COP1: variants seen among roughly 807,000 people sequenced by gnomAD.
The protein encoded by COP1 is E3 ubiquitin-protein ligase COP1.
Under a neutral mutation model 101.3 loss-of-function variants are expected in COP1, and 24 were observed. That is an observed-to-expected ratio of 0.24 (90% CI 0.17 to 0.33). The LOEUF is 0.33. COP1 is among the 10% of genes least tolerant of loss of function. The pLI is 1.00. For missense variants in COP1, 663 were observed against 906.2 expected, an observed-to-expected ratio of 0.73 and a Z score of 3.45; for synonymous variants, 347 against 341.9, an observed-to-expected ratio of 1.01 and a Z score of -0.17.
chr1:176,031,377 C>T (rs986937875), intron 14 of COP1, among the ~76,000 whole-genome samples: 4 of 152,124 alleles, frequency 2.6e-5, no homozygotes, highest in Non-Finnish European at 5.9e-5. Flanking sequence ...AGGCGATCCT[C>T]AAAATAAGGA....
intron 2 of COP1, among the ~76,000 whole-genome samples, chr1:176,176,932 G>A (rs1697029983): frequency 6.6e-6 from 1 of 152,172 alleles, no homozygotes. Flanking sequence ...AAGGCAAGTT[G>A]CAGGAAAAAC....
chr1:175,992,681 G>A (rs914339205), intron 15 of COP1, among the ~76,000 whole-genome samples: 2 of 152,242 alleles, frequency 1.3e-5, no homozygotes, highest in African/African-American at 2.4e-5. Context: ...CAAGGCGGCA[G>A]CGAGGCTGGG....
At chr1:175,988,661 C>T (rs570103734) in intron 16 of COP1, 26 of 326,444 alleles carry the variant, frequency 8.0e-5, no homozygotes, top group African/African-American at 5.0e-4. Context: ...AGCAAAACAC[C>T]GTCTCTACTA....
intron 15 of COP1, among the ~76,000 whole-genome samples, chr1:176,001,653 A>C (rs1214767889): frequency 6.6e-5 from 10 of 152,106 alleles, no homozygotes; most frequent in Admixed American, 5.9e-4. Context: ...AATTCATCTA[A>C]ACTATCTTTT....
chr1:176,095,696 A>G (rs1250685482), intron 9 of COP1, among the ~76,000 whole-genome samples: 2 of 152,042 alleles, frequency 1.3e-5, no homozygotes, highest in African/African-American at 2.4e-5. Flanking sequence ...AAAAAAAAAA[A>G]AAGATGTTCT....
chr1:176,120,510 C>T lies in COP1; in HGVS notation c.969-3829G>A, dbSNP rs149257323. ...TTCAGGGTAGTAACTAAAACTGATA[C>T]AGGAGTAATACACTTTAATCAAAAG... On this transcript the variant is annotated intron_variant, in intron 8 of 19. Coordinates refer to ENST00000367669, the MANE Select transcript of COP1 (RefSeq NM_022457.7). 9.3e-3 allele frequency among the ~76,000 whole-genome samples: 1,410 copies of T among 151,864 alleles called. 23 individuals are homozygous for T. Among genetic ancestry groups the T allele is most frequent in the African/African-American group, 0.032 (1,340 of 41,444 alleles).
intron 3 of COP1, among the ~76,000 whole-genome samples, chr1:176,173,400 C>CT (rs1696415325): frequency 6.8e-6 from 1 of 148,046 alleles, no homozygotes; most frequent in South Asian, 2.1e-4. Context: ...CTTTAAGAAG[C>CT]TGAGGCAGGA....
chr1:176,068,222 TCTTC>T (rs1298700612), intron 11 of COP1, among the ~76,000 whole-genome samples: 1 of 152,156 alleles, frequency 6.6e-6, no homozygotes, highest in Non-Finnish European at 1.5e-5. Context: ...TCCCCTTCCT[TCTTC>T]CTTCTCTCCC....
intron 15 of COP1, among the ~76,000 whole-genome samples, chr1:176,001,117 G>T (rs1258036908): frequency 1.3e-5 from 2 of 151,862 alleles, no homozygotes; most frequent in African/African-American, 4.8e-5. Context: ...CTACCAAAGC[G>T]CATTTAATTT....
chr1:176,193,646 T>G (rs1043764105), intron 1 of COP1, among the ~76,000 whole-genome samples: 1 of 152,188 alleles, frequency 6.6e-6, no homozygotes, highest in South Asian at 2.1e-4. Context: ...GAAGTGCTGA[T>G]ACATGTCACA....
At chr1:176,197,566 C>G (rs1699830096) in intron 1 of COP1, among the ~76,000 whole-genome samples, 1 of 152,104 alleles carries the variant, frequency 6.6e-6, no homozygotes, top group Non-Finnish European at 1.5e-5. Flanking sequence ...CCAAGCAAAC[C>G]AATACACTGT....
intron 15 of COP1, among the ~76,000 whole-genome samples, chr1:175,991,833 GA>G (rs1658567656): frequency 6.6e-6 from 1 of 152,296 alleles, no homozygotes; most frequent in South Asian, 2.1e-4. Context: ...TTGTCTCACT[GA>G]AAAGTCTTCA....
At chr1:176,146,834 G>A (rs1432555349) in intron 6 of COP1, among the ~76,000 whole-genome samples, 1 of 152,144 alleles carries the variant, frequency 6.6e-6, no homozygotes, top group African/African-American at 2.4e-5. Context: ...TATGTGCCTT[G>A]CACTTTCCAT....
intron 18 of COP1, among the ~76,000 whole-genome samples, chr1:175,976,270 CTTT>C (rs10694480): frequency 7.0e-5 from 4 of 56,858 alleles, no homozygotes; most frequent in Admixed American, 3.3e-4. Flanking sequence ...ATTAGTCATT[CTTT>C]TTTTTTTTTT....
Position 176,036,241 on chromosome 1 carries a change from C to A in COP1, c.1612+6945G>T, listed in dbSNP as rs191760152. On this transcript the variant is annotated intron_variant, in intron 14 of 19. Coordinates refer to ENST00000367669, the MANE Select transcript of COP1 (RefSeq NM_022457.7). ...AGTATCAAATGACATAAACTTCAAT[C>A]TTCAAAAAACTAGAAAGGGGAGGAA... is the stretch of plus-strand genomic sequence containing the variant. Among the ~76,000 whole-genome samples, 132 of 151,750 alleles carry A rather than the reference C, an allele frequency of 8.7e-4. 1 individual carries two copies. Among genetic ancestry groups the A allele is most frequent in the Non-Finnish European group, 1.0e-4 (7 of 67,846 alleles).
chr1:175,985,110 G>A (rs2148710545), intron 18 of COP1, among the ~76,000 whole-genome samples: 1 of 152,288 alleles, frequency 6.6e-6, no homozygotes, highest in East Asian at 1.9e-4. Context: ...GGAGGGGCCA[G>A]AAGCAGAATG....
At chr1:175,968,456 C>T in intron 18 of COP1, 1 of 519,072 alleles carries the variant, frequency 1.9e-6, no homozygotes, top group South Asian at 1.4e-5. Context: ...CAGAGACCTC[C>T]ATATATTTAT....
chr1:176,016,739 TA>T (rs899542081), intron 15 of COP1, among the ~76,000 whole-genome samples: 34 of 151,158 alleles, frequency 2.2e-4, no homozygotes, highest in Admixed American at 8.6e-4. Context: ...ACTCTTTTTT[TA>T]AAAAAAAAAA....
At chr1:176,033,753 G>A (rs1040413524) in intron 14 of COP1, among the ~76,000 whole-genome samples, 4 of 151,814 alleles carry the variant, frequency 2.6e-5, no homozygotes, top group African/African-American at 9.7e-5. Flanking sequence ...AGCATATGTA[G>A]GAAAAATATT....
Sources: allele counts gnomAD v4.1 joint callset (sites outside exome capture counted in the v4.1 genomes callset), GRCh38; gene constraint gnomAD v4.1.1; transcripts MANE v1.5; gene names NCBI Gene and HGNC (gene_info 2026-07-23, HGNC 2026-07-21).